Variants in PROS1 observed in about 807,000 individuals in gnomAD.
The protein encoded by PROS1 is vitamin K-dependent protein S.
Under a neutral mutation model 75.9 loss-of-function variants are expected in PROS1, and 29 were observed. The observed-to-expected ratio is 0.38, with a 90% CI of 0.28 to 0.52. The LOEUF (loss-of-function observed/expected upper bound fraction) is 0.52, where lower values mean the gene tolerates loss of function less well. Ranked by LOEUF, PROS1 falls within the 20% of genes least tolerant of loss-of-function variation. The pLI is 0.83. For synonymous variants in PROS1, 245 were observed against 280.6 expected (o/e 0.87, Z 1.27); for missense variants, 680 against 810.3 (o/e 0.84, Z 1.95).
intron 2 of PROS1, among the ~76,000 whole-genome samples, chr3:93,925,347 C>T (rs1670780397): frequency 6.6e-6 from 1 of 152,088 alleles, no homozygotes; most frequent in Admixed American, 6.5e-5. Context: ...TATAAACCTA[C>T]ACAATAGATA....
chr3:93,912,757 C>CTGAAAGAG (rs1708777605), intron 3 of PROS1, among the ~76,000 whole-genome samples: 1 of 152,286 alleles, frequency 6.6e-6, no homozygotes, highest in East Asian at 1.9e-4. Flanking sequence ...AAGAGCAAGA[C>CTGAAAGAG]GCTGAATTTG....
intron 1 of PROS1, 40 bp downstream of exon 1, chr3:93,973,634 A>C (rs759531189): frequency 1.2e-6 from 2 of 1,601,366 alleles, no homozygotes; most frequent in South Asian, 2.2e-5. Context: ...TTCAGTCGAC[A>C]ATGCTGGGGA....
At chr3:93,966,862 C>G (rs1307278593) in intron 1 of PROS1, among the ~76,000 whole-genome samples, 3 of 151,254 alleles carry the variant, frequency 2.0e-5, no homozygotes, top group Non-Finnish European at 4.4e-5. Flanking sequence ...TCAGCTGAAT[C>G]TTACCATGTT....
chr3:93,876,552 G>T (rs1451051573), intron 14 of PROS1, among the ~76,000 whole-genome samples: 13 of 120,254 alleles, frequency 1.1e-4, no homozygotes, highest in African/African-American at 4.3e-4. Flanking sequence ...TCGTGCCACT[G>T]CACTCCAGCC....
intron 3 of PROS1, among the ~76,000 whole-genome samples, chr3:93,911,390 G>T (rs1478992199): frequency 6.6e-6 from 1 of 152,180 alleles, no homozygotes; most frequent in African/African-American, 2.4e-5. Context: ...AGGCACTAAA[G>T]ACACCATATG....
chr3:93,952,461 C>A (rs1709517641), intron 1 of PROS1, among the ~76,000 whole-genome samples: 1 of 152,134 alleles, frequency 6.6e-6, no homozygotes, highest in Non-Finnish European at 1.5e-5. Flanking sequence ...AACTGAACAA[C>A]CTGCTCCTGA....
At chr3:93,950,015 T>C (rs1173684235) in intron 1 of PROS1, among the ~76,000 whole-genome samples, 4 of 152,150 alleles carry the variant, frequency 2.6e-5, no homozygotes, top group African/African-American at 9.7e-5. Flanking sequence ...TCTTATCAAA[T>C]GGCACACCAG....
chr3:93,930,383 CTTTACA>C (rs1709090360), intron 1 of PROS1, among the ~76,000 whole-genome samples: 1 of 152,152 alleles, frequency 6.6e-6, no homozygotes, highest in Admixed American at 6.5e-5. Context: ...ACTTTTTGAA[CTTTACA>C]GCAACTATGT....
intron 10 of PROS1, among the ~76,000 whole-genome samples, chr3:93,890,501 C>A (rs1576178911): frequency 3.9e-5 from 6 of 152,224 alleles, no homozygotes; most frequent in Middle Eastern, 3.4e-3. Context: ...TAAAAACTTG[C>A]TGGTTTTGTG....
At chr3:93,962,482 C>A (rs1709721651) in intron 1 of PROS1, among the ~76,000 whole-genome samples, 1 of 152,272 alleles carries the variant, frequency 6.6e-6, no homozygotes, top group East Asian at 1.9e-4. Context: ...ATAAGCTTTT[C>A]TCCCAGTTTC....
At chr3:93,904,820 A>C (rs1576186392) in intron 6 of PROS1, among the ~76,000 whole-genome samples, 1 of 152,308 alleles carries the variant, frequency 6.6e-6, no homozygotes, top group South Asian at 2.1e-4. Flanking sequence ...AGAGAAAAAA[A>C]GTCAAAATTT....
intron 1 of PROS1, among the ~76,000 whole-genome samples, chr3:93,958,237 T>A (rs1022044021): frequency 6.6e-6 from 1 of 152,216 alleles, no homozygotes; most frequent in Non-Finnish European, 1.5e-5. Flanking sequence ...AAAGAATTTG[T>A]GTCATCTAAC....
intron 1 of PROS1, among the ~76,000 whole-genome samples, chr3:93,965,953 C>T (rs1709784394): frequency 6.6e-6 from 1 of 152,126 alleles, no homozygotes. Context: ...CCTCGGCCTC[C>T]CAAAGTGCTA....
chr3:93,951,469 C>T (rs113652469), intron 1 of PROS1, among the ~76,000 whole-genome samples: 11 of 152,238 alleles, frequency 7.2e-5, no homozygotes, highest in African/African-American at 2.4e-4. Flanking sequence ...GAATTTTCAA[C>T]CCAAAATTTT....
rs570970178 is a variant in PROS1 at position 93,940,260 on chromosome 3, A to G, written c.77-12853T>C. Among the ~76,000 whole-genome samples, 239 of 152,282 alleles carry G rather than the reference A, an allele frequency of 1.6e-3. 3 individuals carry two copies. The highest frequency in any genetic ancestry group is 5.3e-3 in the African/African-American group (219 of 41,572). ...GATTGACGCCTTCCCAGATTTTCTC[A>G]GCTTAGCGGCTGAAGACTGACACTG... is the stretch of plus-strand genomic sequence containing the variant. On this transcript the variant is annotated intron_variant, in intron 1 of 14. Coordinates refer to ENST00000394236, the MANE Select transcript of PROS1 (RefSeq NM_000313.4).
chr3:93,954,792 C>G (rs1709570474), intron 1 of PROS1, among the ~76,000 whole-genome samples: 1 of 152,266 alleles, frequency 6.6e-6, no homozygotes, highest in Admixed American at 6.5e-5. Flanking sequence ...AACAGGCAAC[C>G]TACAGGATGG....
chr3:93,918,516 G>A (rs1050756474), intron 3 of PROS1, among the ~76,000 whole-genome samples: 1 of 152,036 alleles, frequency 6.6e-6, no homozygotes, highest in South Asian at 2.1e-4. Flanking sequence ...CTGAGCCAGC[G>A]AGACCACAAA....
In PROS1 at chr3:93,886,378, A is replaced by C. The variant is rs764087288; in HGVS notation, c.1281T>G (p.Phe427Leu). Residue 427 changes from phenylalanine to leucine, a missense_variant, in exon 11 of 15, where the codon TTT becomes TTG. By Grantham distance (22) the Phe-to-Leu change is conservative. Transcript: ENST00000394236. The part of the protein sequence containing the change: ...ENGLLETKVY[F>L]AGFPRKVESE... ...TTTCCACTTTCCGAGGGAATCCTGC[A>C]AAGTATACTTTGGTTTCCAGCAATC... 6.2e-7 allele frequency: 1 copy of C among 1,613,714 alleles called. No individual in the cohort carries two copies.
chr3:93,897,387 G>T (rs534711987), intron 8 of PROS1, among the ~76,000 whole-genome samples: 2 of 151,928 alleles, frequency 1.3e-5, no homozygotes, highest in Non-Finnish European at 2.9e-5. Context: ...GGAGAATTAC[G>T]TACATAGCAC....
Sources: gnomAD v4.1 joint callset for allele counts (sites outside exome capture counted in the v4.1 genomes callset) on GRCh38, gnomAD v4.1.1 for gene constraint, MANE v1.5 for transcripts, NCBI Gene and HGNC (gene_info 2026-07-23, HGNC 2026-07-21) for gene names.